ODAD2: variants seen among roughly 807,000 people sequenced by gnomAD.
The protein encoded by ODAD2 is outer dynein arm-docking complex subunit 2.
A neutral mutation model predicts 106.8 loss-of-function variants in ODAD2; 89 were observed. That is an observed-to-expected ratio of 0.83 (90% CI 0.70 to 0.99). The LOEUF (loss-of-function observed/expected upper bound fraction) is 0.99. ODAD2 is among the 50% of genes least tolerant of loss of function. The pLI is 0.00. For missense variants in ODAD2, 1,168 were observed against 1,238.5 expected (o/e 0.94, Z 0.85); for synonymous variants, 404 against 436.2 (o/e 0.93, Z 0.92).
intron 17 of ODAD2, among the ~76,000 whole-genome samples, chr10:27,880,219 T>C (rs1201678408): frequency 6.6e-6 from 1 of 152,180 alleles, no homozygotes; most frequent in Non-Finnish European, 1.5e-5. Context: ...ATTGCATTAA[T>C]CAAGTTGAAC....
chr10:27,896,489 T>C (rs1250592506), intron 17 of ODAD2, among the ~76,000 whole-genome samples: 1 of 152,212 alleles, frequency 6.6e-6, no homozygotes, highest in Admixed American at 6.5e-5. Flanking sequence ...GAGAGATAGA[T>C]AAGCAGGCCA....
At chr10:27,961,888 G>A (rs1293330680) in intron 9 of ODAD2, among the ~76,000 whole-genome samples, 173 bp from the exon 10 acceptor site, 1 of 152,098 alleles carries the variant, frequency 6.6e-6, no homozygotes, top group Non-Finnish European at 1.5e-5. Context: ...AACATAGCAA[G>A]ACTCTGTCTC....
intron 19 of ODAD2, among the ~76,000 whole-genome samples, chr10:27,834,183 TA>T (rs1374557595): frequency 6.6e-6 from 1 of 152,208 alleles, no homozygotes; most frequent in African/African-American, 2.4e-5. Context: ...TGTTTTAACC[TA>T]AAAACTCTAA....
chr10:27,941,909 CCCAATT>C (rs1029875753), intron 12 of ODAD2, among the ~76,000 whole-genome samples: 2 of 152,258 alleles, frequency 1.3e-5, no homozygotes, highest in African/African-American at 4.8e-5. Context: ...GTCTTTCAAT[CCCAATT>C]CCAAGTTCCT....
At chr10:27,959,403 C>A (rs1378199548) in intron 10 of ODAD2, among the ~76,000 whole-genome samples, 1 of 151,840 alleles carries the variant, frequency 6.6e-6, no homozygotes, top group Non-Finnish European at 1.5e-5. Flanking sequence ...AGATGACATG[C>A]TTTCTAGGAG....
intron 19 of ODAD2, among the ~76,000 whole-genome samples, chr10:27,843,108 T>G (rs1053931453): frequency 2.6e-5 from 4 of 152,216 alleles, no homozygotes; most frequent in Non-Finnish European, 2.9e-5. Flanking sequence ...TTCCCTAGAA[T>G]AAACTGGAAA....
intron 16 of ODAD2, among the ~76,000 whole-genome samples, chr10:27,924,845 C>A (rs1434464353): frequency 2.0e-5 from 3 of 151,342 alleles, no homozygotes; most frequent in Admixed American, 2.0e-4. Flanking sequence ...AAATAGACCA[C>A]TTTACATAGA....
At chr10:27,813,951 C>T (rs1214589058) in intron 19 of ODAD2, among the ~76,000 whole-genome samples, 1 of 152,116 alleles carries the variant, frequency 6.6e-6, no homozygotes, top group Admixed American at 6.5e-5. Flanking sequence ...GGCCCCAGAA[C>T]AACTGCTTAT....
intron 19 of ODAD2, chr10:27,835,865 G>T (rs1333227479): frequency 1.3e-5 from 2 of 151,720 alleles, no homozygotes; most frequent in Non-Finnish European, 2.9e-5. Flanking sequence ...GGCAGGGGTG[G>T]CAGTGAGCCG....
chr10:27,963,154 T>A (rs2132870655), intron 9 of ODAD2, among the ~76,000 whole-genome samples: 1 of 152,158 alleles, frequency 6.6e-6, no homozygotes, highest in South Asian at 2.1e-4. Context: ...CTTACAGGCA[T>A]GCGCCACCAC....
chr10:27,904,277 G>A, intron 17 of ODAD2: 2 of 402,510 alleles, frequency 5.0e-6, no homozygotes, highest in South Asian at 4.1e-5. Context: ...CCCACAAAGT[G>A]GCACAGGACA....
intron 17 of ODAD2, chr10:27,904,854 G>A (rs1201553284): frequency 6.6e-6 from 1 of 152,234 alleles, no homozygotes; most frequent in Non-Finnish European, 1.5e-5. Context: ...GCATCTTGAT[G>A]ATGAGCTGTG....
intron 17 of ODAD2, among the ~76,000 whole-genome samples, chr10:27,889,762 C>T (rs146005810): frequency 1.1e-4 from 16 of 152,312 alleles, no homozygotes; most frequent in Non-Finnish European, 1.3e-4. Context: ...AACAGTCTCA[C>T]GGTTAAGCAG....
intron 12 of ODAD2, among the ~76,000 whole-genome samples, chr10:27,941,484 C>A (rs1014155234): frequency 1.0e-4 from 14 of 136,568 alleles, no homozygotes; most frequent in African/African-American, 3.9e-4. Context: ...GATCCTGCCC[C>A]CCGAACCAAA....
rs889649250 is a variant in ODAD2, at chr10:27,896,385, C to T, written c.2610+11278G>A. On this transcript the variant is annotated intron_variant, in intron 17 of 19. Coordinates refer to ENST00000305242, the MANE Select transcript of ODAD2 (RefSeq NM_018076.5). ...GATCCCTTTGATAACTTTCTCACTTCTGGATTGAAATTCAAAGATATCAAT... is the reference window on the plus strand; with the variant it reads ...GATCCCTTTGATAACTTTCTCACTTTTGGATTGAAATTCAAAGATATCAAT... Among the ~76,000 whole-genome samples, 3 of 152,066 alleles carry T rather than the reference C, an allele frequency of 2.0e-5. No individual in the cohort carries two copies. In the East Asian group the frequency reaches 5.8e-4, roughly 29 times the overall value.
intron 17 of ODAD2, 119 bp downstream of exon 17, chr10:27,907,544 C>T: frequency 1.6e-6 from 1 of 609,974 alleles, no homozygotes; most frequent in Non-Finnish European, 2.8e-6. Flanking sequence ...ATTGTGCAAC[C>T]CTCTCCCACC....
chr10:27,907,459 C>A (rs1052063351), intron 17 of ODAD2, among the ~76,000 whole-genome samples: 1 of 152,128 alleles, frequency 6.6e-6, no homozygotes, highest in African/African-American at 2.4e-5. Flanking sequence ...GCACTGACAT[C>A]TTTGGCTAGT....
At chr10:27,940,065 A>C (rs1846282728) in intron 13 of ODAD2, 58 bp from the exon 14 acceptor site, 1 of 1,196,864 alleles carries the variant, frequency 8.4e-7, no homozygotes, top group Admixed American at 2.3e-5. Flanking sequence ...GTAACTGTTT[A>C]CATTTATTAA....
chr10:27,944,131 G>A, intron 12 of ODAD2, 91 bp downstream of exon 12: 1 of 1,127,684 alleles, frequency 8.9e-7, no homozygotes, highest in Admixed American at 2.0e-5. Flanking sequence ...TCATGGCTAT[G>A]GAATTTCCAG....
Sources: gnomAD v4.1 joint callset for allele counts (sites outside exome capture counted in the v4.1 genomes callset) on GRCh38, gnomAD v4.1.1 for gene constraint, MANE v1.5 for transcripts, NCBI Gene and HGNC (gene_info 2026-07-23, HGNC 2026-07-21) for gene names.